PREX1: variants seen among roughly 807,000 people sequenced by gnomAD.
PREX1 encodes phosphatidylinositol-3,4,5-trisphosphate dependent Rac exchange factor 1, also known as phosphatidylinositol 3,4,5-trisphosphate-dependent Rac exchanger 1 protein.
A neutral mutation model predicts 198.3 loss-of-function variants in PREX1; 41 were observed. The ratio of observed to expected loss-of-function variants is 0.21; its 90% CI spans 0.16 to 0.27. PREX1 has a LOEUF of 0.27. PREX1 is among the 10% of genes least tolerant of loss of function. PREX1 has a pLI of 1.00. For synonymous variants in PREX1, 843 were observed against 887.2 expected (o/e 0.95, Z 0.89); for missense variants, 1,620 against 2,200.7 (o/e 0.74, Z 5.28).
chr20:48,819,888 C>T (rs192115445), intron 1 of PREX1, among the ~76,000 whole-genome samples: 3 of 152,306 alleles, frequency 2.0e-5, no homozygotes, highest in African/African-American at 7.2e-5. Flanking sequence ...CATCAACTGC[C>T]CACACCCTGA....
chr20:48,628,768 G>A (rs912885270), intron 37 of PREX1, among the ~76,000 whole-genome samples: 1 of 152,224 alleles, frequency 6.6e-6, no homozygotes, highest in African/African-American at 2.4e-5. Context: ...GACCTAGGAG[G>A]CAGAGAGCAC....
chr20:48,651,576 T>C lies in PREX1; in HGVS notation c.2475A>G (p.Pro825=). 6.2e-7 allele frequency: 1 copy of C among 1,612,138 alleles called. No homozygotes were observed. The highest frequency in any genetic ancestry group is 2.2e-5 in the East Asian group (1 of 44,826). Residue 825 remains proline (P), a synonymous_variant, in exon 22 of 40, where the codon CCA becomes CCG. Coordinates refer to ENST00000371941, the MANE Select transcript of PREX1 (RefSeq NM_020820.4). ...TCAGCCGGGGACCCAGGGACAGCAGTGGGAAGGCTGGAAGCCAAAAGAGGT... is the reference window on the plus strand; with the variant it reads ...TCAGCCGGGGACCCAGGGACAGCAGCGGGAAGGCTGGAAGCCAAAAGAGGT... ...QEEDQADSAF[P]LLSLGPRLSL...
intron 10 of PREX1, among the ~76,000 whole-genome samples, chr20:48,682,729 C>T (rs960589049): frequency 1.3e-5 from 2 of 152,084 alleles, no homozygotes; most frequent in Non-Finnish European, 2.9e-5. Context: ...CTTGCGGGTG[C>T]TTCTCAGGCT....
rs781247755 is a variant in PREX1 at position 48,636,606 on chromosome 20, G to T, written c.4024C>A (p.Leu1342Met). The change falls in exon 32 of 40, where the codon CTG becomes ATG. Residue 1342 changes from leucine to methionine, a missense_variant. Around this residue, in one of 7 missense-constraint regions of PREX1, gnomAD observed 476 missense variants for 603.4 expected, o/e 0.79. Coordinates refer to ENST00000371941, the MANE Select transcript of PREX1 (RefSeq NM_020820.4). ...VAAVCTFSKQ[L>M]LAALGYRYNN... ...TAGCGGTAGCCCAGGGCCGCCAGCAGCTGCTTGGAGAAGGTGCACACGGCG... is the reference window on the plus strand; with the variant it reads ...TAGCGGTAGCCCAGGGCCGCCAGCATCTGCTTGGAGAAGGTGCACACGGCG... 1.9e-6 allele frequency: 3 copies of T among 1,611,716 alleles called. No individual in the cohort carries two copies. The East Asian group carries it at 6.7e-5, about 36-fold the overall frequency.
At chr20:48,833,485 A>G in the PREX1 span, among the ~76,000 whole-genome samples, 1 of 142,770 alleles carries the variant, frequency 7.0e-6, no homozygotes, top group Non-Finnish European at 1.5e-5. Flanking sequence ...TCTGTTGCCC[A>G]GAGTGGAATG....
chr20:48,862,788 A>T, the PREX1 span, among the ~76,000 whole-genome samples: 195 of 49,812 alleles, frequency 3.9e-3, 5 homozygotes, highest in African/African-American at 0.02. Flanking sequence ...CCTAAAAAAA[A>T]AAATATATAT....
chr20:48,843,355 A>C, the PREX1 span, among the ~76,000 whole-genome samples: 100 of 152,144 alleles, frequency 6.6e-4, no homozygotes, highest in Non-Finnish European at 1.2e-3. Context: ...AATCACTATG[A>C]CTCTGAATGG....
At chr20:48,766,384 G>A (rs2090208309) in intron 1 of PREX1, among the ~76,000 whole-genome samples, 1 of 152,178 alleles carries the variant, frequency 6.6e-6, no homozygotes, top group Non-Finnish European at 1.5e-5. Context: ...CCACTGCCCT[G>A]CCCAGCCCAT....
chr20:48,643,227 T>C lies in PREX1; in HGVS notation c.3602-738A>G, dbSNP rs761224403. 3.3e-5 allele frequency among the ~76,000 whole-genome samples: 5 copies of C among 152,182 alleles called. No individual in the cohort carries two copies. In the South Asian group the frequency reaches 8.3e-4, roughly 25 times the overall value. The stretch of plus-strand genomic sequence containing the variant: ...CAGTAACGCCTTTAATCCCAGCAAT[T>C]TGGGAGGCCGGGGCAGGCGGATCAC... On this transcript the variant is annotated intron_variant, in intron 27 of 39. Coordinates refer to ENST00000371941, the MANE Select transcript of PREX1 (RefSeq NM_020820.4).
intron 6 of PREX1, among the ~76,000 whole-genome samples, chr20:48,704,955 G>A (rs187405362): frequency 7.8e-4 from 119 of 152,262 alleles, no homozygotes; most frequent in Non-Finnish European, 1.5e-3. Flanking sequence ...CTGAGGAGGC[G>A]CAGCCCACGC....
At chr20:48,713,631 G>A (rs2089946243) in intron 5 of PREX1, among the ~76,000 whole-genome samples, 1 of 151,912 alleles carries the variant, frequency 6.6e-6, no homozygotes, top group Non-Finnish European at 1.5e-5. Context: ...CCAGCTTTTG[G>A]AAGGCTGAGG....
chr20:48,708,665 G>A (rs2089914898), intron 5 of PREX1, among the ~76,000 whole-genome samples: 1 of 152,168 alleles, frequency 6.6e-6, no homozygotes, highest in African/African-American at 2.4e-5. Context: ...AAGGAGGTCA[G>A]GGGAGGCCTC....
At chr20:48,824,962 G>T (rs1298811906) in intron 1 of PREX1, among the ~76,000 whole-genome samples, 1 of 152,152 alleles carries the variant, frequency 6.6e-6, no homozygotes, top group Non-Finnish European at 1.5e-5. Context: ...AAAGCAGGGA[G>T]GGATTACCGT....
At chr20:48,763,573 T>A (rs923404678) in intron 1 of PREX1, among the ~76,000 whole-genome samples, 2 of 152,108 alleles carry the variant, frequency 1.3e-5, no homozygotes, top group South Asian at 2.1e-4. Flanking sequence ...AGTCCAACTA[T>A]TTTTTTTCCA....
intron 4 of PREX1, among the ~76,000 whole-genome samples, chr20:48,727,442 A>G (rs1481966996): frequency 6.6e-6 from 1 of 151,864 alleles, no homozygotes; most frequent in African/African-American, 2.4e-5. Context: ...TCTGGAATGT[A>G]TTCTCTTCCC....
chr20:48,771,336 TC>T (rs1050164445), intron 1 of PREX1, among the ~76,000 whole-genome samples: 9 of 151,384 alleles, frequency 5.9e-5, no homozygotes, highest in Non-Finnish European at 1.2e-4. Flanking sequence ...CTGGGGATTT[TC>T]CCCCCATGCT....
chr20:48,770,920 A>C (rs1303389476), intron 1 of PREX1, among the ~76,000 whole-genome samples: 1 of 152,128 alleles, frequency 6.6e-6, no homozygotes, highest in African/African-American at 2.4e-5. Context: ...TGGGAGAGGG[A>C]GGAGCCTGGG....
the PREX1 span, among the ~76,000 whole-genome samples, chr20:48,847,364 T>TAAAAAAAAAA: frequency 2.6e-3 from 198 of 77,146 alleles, 6 homozygotes; most frequent in African/African-American, 9.3e-3. Flanking sequence ...CCTTCTCTTA[T>TAAAAAAAAAA]AAAAAAAAAA....
intron 7 of PREX1, among the ~76,000 whole-genome samples, chr20:48,698,931 A>T (rs873959): frequency 0.014 from 2,091 of 152,328 alleles, 43 homozygotes; most frequent in East Asian, 0.044. Flanking sequence ...ACAGAGAGGC[A>T]AAGTCACAGA....
Sources: allele counts gnomAD v4.1 joint callset (sites outside exome capture counted in the v4.1 genomes callset), GRCh38; gene constraint gnomAD v4.1.1; regional missense constraint gnomAD v4.1.1; transcripts MANE v1.5; gene names NCBI Gene and HGNC (gene_info 2026-07-23, HGNC 2026-07-21).